BEST1: variants seen among roughly 807,000 people sequenced by gnomAD.
BEST1 encodes bestrophin 1.
BEST1 carries 58 observed loss-of-function variants against 63.3 expected under a neutral mutation model. The ratio of observed to expected loss-of-function variants is 0.92; its 90% CI spans 0.74 to 1.14. BEST1 has a LOEUF of 1.14. BEST1 is among the 50% of genes most tolerant of loss of function. The pLI is 0.00. For synonymous variants in BEST1, 283 were observed against 291.6 expected (o/e 0.97, Z 0.30); for missense variants, 671 against 740.1 (o/e 0.91, Z 1.08).
intron 9 of BEST1, chr11:61,961,172 C>G (rs1291112149): frequency 2.0e-5 from 3 of 152,118 alleles, no homozygotes; most frequent in Non-Finnish European, 4.4e-5. Flanking sequence ...TGCCAGCCAC[C>G]AAGCCCGGCT....
In BEST1 at chr11:61,958,165, A is replaced by G; in HGVS notation, c.734A>G (p.Tyr245Cys). 1 of 1,613,526 alleles carries G rather than the reference A, an allele frequency of 6.2e-7. No homozygotes were observed. The highest frequency in any genetic ancestry group is 8.5e-7 in the Non-Finnish European group (1 of 1,179,916). ...VYTQVVTVAV[Y>C]SFFLTCLVGR... ...TCCCAGGTGGTGACTGTGGCGGTGT[A>G]CAGCTTCTTCCTGACTTGTCTAGTT... Residue 245 changes from tyrosine to cysteine, a missense_variant, in exon 7 of 11, where the codon TAC becomes TGC. Coordinates refer to ENST00000378043, the MANE Select transcript of BEST1 (RefSeq NM_004183.4).
rs1942165221 is a variant in BEST1, at chr11:61,962,438, C to T, written c.1284C>T (p.Asn428=). 4 of 1,614,200 alleles carry T rather than the reference C, an allele frequency of 2.5e-6. No individual in the cohort carries two copies. The highest frequency in any genetic ancestry group is 3.4e-6 in the Non-Finnish European group (4 of 1,180,048). ...ESLLHEGLPK[N]HKAAKQNVRG... Reference sequence around the variant, plus strand: ...TTCTCCACGAGGGCCTGCCCAAAAACCACAAGGCAGCCAAACAGAACGTTA... The same window carrying T: ...TTCTCCACGAGGGCCTGCCCAAAAATCACAAGGCAGCCAAACAGAACGTTA... The change falls in exon 10 of 11, where the codon AAC becomes AAT. Residue 428 remains asparagine, a synonymous_variant. Transcript: ENST00000378043.
rs281865212 is a variant in BEST1, at chr11:61,951,867, C to G, written c.61C>G (p.Leu21Val). Residue 21 changes from leucine to valine, a missense_variant, in exon 2 of 11, where the codon CTG becomes GTG. Leu to Val is a conservative substitution (Grantham distance 32). Coordinates refer to ENST00000378043, the MANE Select transcript of BEST1 (RefSeq NM_004183.4). ...CCGCTTAGGCTCCTTCTCCCGCCTG[C>G]TGCTGTGCTGGCGGGGCAGCATCTA... is the stretch of plus-strand genomic sequence containing the variant. ...NARLGSFSRL[L>V]LCWRGSIYKL... 6.2e-7 allele frequency: 1 copy of G among 1,613,988 alleles called. No individual in the cohort carries two copies. The highest frequency in any genetic ancestry group is 8.5e-7 in the Non-Finnish European group (1 of 1,180,038).
At chr11:61,963,130 G>A in intron 10 of BEST1, 1 of 1,458,426 alleles carries the variant, frequency 6.9e-7, no homozygotes, top group Non-Finnish European at 9.1e-7. Flanking sequence ...GACTTCTTGG[G>A]ACCAGGTGAA....
Position 61,959,886 on chromosome 11 carries a change from G to T in BEST1, c.949-6G>T. On this transcript the variant is annotated splice_region_variant and splice_polypyrimidine_tract_variant and intron_variant, in intron 8 of 10. Coordinates refer to ENST00000378043, the MANE Select transcript of BEST1 (RefSeq NM_004183.4). ...CTGTGGGACTTCTTCTGTCCCTGGT[G>T]ACCAGGTGTCCCTGTTGGCTGTGGA... The T allele has an allele frequency of 6.2e-7, 1 of 1,613,730 alleles. No homozygotes were observed. The highest frequency in any genetic ancestry group is 8.5e-7 in the Non-Finnish European group (1 of 1,179,850).
downstream of BEST1, chr11:61,964,843 T>C (rs1056175281): frequency 1.9e-6 from 3 of 1,601,954 alleles, no homozygotes; most frequent in African/African-American, 4.0e-5. Context: ...AATTCTTTGA[T>C]GGCTTTCACC....
At chr11:61,955,328 G>A in intron 3 of BEST1, 127 bp downstream of exon 3, 2 of 1,549,336 alleles carry the variant, frequency 1.3e-6, no homozygotes, top group Non-Finnish European at 8.7e-7. Context: ...GCGGCAGGTC[G>A]GCGCCTCTCT....
chr11:61,963,000 T>A, intron 10 of BEST1, 107 bp downstream of exon 10: 1 of 1,600,730 alleles, frequency 6.2e-7, no homozygotes, highest in Non-Finnish European at 8.5e-7. Flanking sequence ...GTTCCATCAC[T>A]GCCAGAGCAC....
At chr11:61,960,344 A>AGG in intron 9 of BEST1, 1 of 501,084 alleles carries the variant, frequency 2.0e-6, no homozygotes, top group Non-Finnish European at 3.6e-6. Flanking sequence ...GTGGAACGTT[A>AGG]GGACCTGGCT....
chr11:61,953,736 T>C (rs1318057579), intron 2 of BEST1, among the ~76,000 whole-genome samples: 1 of 151,758 alleles, frequency 6.6e-6, no homozygotes, highest in African/African-American at 2.4e-5. Flanking sequence ...CAAAAAATGA[T>C]CTGGGCATGG....
At chr11:61,963,048 T>C in intron 10 of BEST1, 155 bp downstream of exon 10, 1 of 1,521,474 alleles carries the variant, frequency 6.6e-7, no homozygotes. Context: ...GGGTATATAC[T>C]TGGCCACCTT....
At chr11:61,958,514 C>T (rs938806799) in intron 7 of BEST1, 28 of 1,218,832 alleles carry the variant, frequency 2.3e-5, no homozygotes, top group African/African-American at 3.0e-5. Flanking sequence ...GAGTTGAGAT[C>T]GTGCCACTGC....
At chr11:61,956,749 G>T in intron 4 of BEST1, 95 bp from the exon 5 acceptor site, 1 of 1,493,444 alleles carries the variant, frequency 6.7e-7, no homozygotes, top group South Asian at 1.1e-5. Flanking sequence ...GAAAGAGGAT[G>T]GCAAAGGAGT....
In BEST1 at chr11:61,962,898, GTCC is replaced by G. The variant is rs751119581; in HGVS notation, c.1739+9_1739+11del. 4.3e-6 allele frequency: 7 copies of G among 1,614,104 alleles called. No homozygotes were observed. In the East Asian group the frequency reaches 1.6e-4, roughly 36 times the overall value. On this transcript the variant is annotated splice_donor_region_variant and intron_variant, in intron 10 of 10. Transcript: ENST00000378043. ...TTATTGGGCCTTGGAAAACAGGTCT[GTCC>G]TCCACCTGAACCAGGGGCACTGCAT...
chr11:61,957,579 G>C, intron 6 of BEST1, 115 bp downstream of exon 6: 1 of 991,248 alleles, frequency 1.0e-6, no homozygotes, highest in Admixed American at 1.9e-5. Context: ...CTGGGAGTTG[G>C]GTCCACACTT....
chr11:61,958,958 C>G (rs1941735418), intron 7 of BEST1: 1 of 248,130 alleles, frequency 4.0e-6, no homozygotes. Context: ...CCTGCCCCCC[C>G]AGTTATCTTT....
intron 4 of BEST1, 59 bp downstream of exon 4, chr11:61,956,010 C>A (rs1215395711): frequency 1.4e-6 from 2 of 1,479,520 alleles, no homozygotes; most frequent in Non-Finnish European, 1.8e-6. Flanking sequence ...GAGATGGGCG[C>A]GGCAGGAATG....
chr11:61,962,576 C>T lies in BEST1; in HGVS notation c.1422C>T (p.Pro474=). ...GTGCCCCACAGACGCCCCTCAGCCCCACTCCCATGTTCTTCCCCCTAGAAC... is the reference window on the plus strand; with the variant it reads ...GTGCCCCACAGACGCCCCTCAGCCCTACTCCCATGTTCTTCCCCCTAGAAC... ...YYSAPQTPLS[P]TPMFFPLEPS... Residue 474 remains proline, a synonymous_variant, in exon 10 of 11, where the codon CCC becomes CCT. Transcript: ENST00000378043. The T allele has an allele frequency of 1.2e-6, 2 of 1,614,166 alleles. No homozygotes were observed. Among genetic ancestry groups the T allele is most frequent in the Non-Finnish European group, 1.7e-6 (2 of 1,180,014 alleles).
At chr11:61,963,948 G>C (rs1942339705) in intron 10 of BEST1, 156 bp from the exon 11 acceptor site, 1 of 1,470,880 alleles carries the variant, frequency 6.8e-7, no homozygotes, top group African/African-American at 1.4e-5. Flanking sequence ...CAGTGAGATT[G>C]AGCAACTGCA....
Sources: gnomAD v4.1 joint callset for allele counts (sites outside exome capture counted in the v4.1 genomes callset) on GRCh38, gnomAD v4.1.1 for gene constraint, MANE v1.5 for transcripts, NCBI Gene and HGNC (gene_info 2026-07-23, HGNC 2026-07-21) for gene names.